The following MYT1L variants were observed in gnomAD, a reference collection of about 807,000 sequenced individuals.
MYT1L encodes the protein myelin transcription factor 1 like, also known as myelin transcription factor 1-like protein.
MYT1L carries 12 observed loss-of-function variants against 126.7 expected under a neutral mutation model. That is an observed-to-expected ratio of 0.09 (90% CI 0.06 to 0.15). The LOEUF is 0.15. Ranked by LOEUF, MYT1L falls within the 10% of genes least tolerant of loss-of-function variation. MYT1L has a pLI of 1.00. For synonymous variants in MYT1L, 541 were observed against 604.2 expected (o/e 0.90, Z 1.53); for missense variants, 979 against 1,585.2 (o/e 0.62, Z 6.49).
At chr2:2,083,549 C>T (rs886173952) in intron 3 of MYT1L, among the ~76,000 whole-genome samples, 2 of 152,366 alleles carry the variant, frequency 1.3e-5, no homozygotes, top group South Asian at 2.1e-4. Flanking sequence ...CTGCAAGCCA[C>T]CTTTCCTGCA....
At chr2:2,318,614 G>A (rs1220671357) in intron 1 of MYT1L, among the ~76,000 whole-genome samples, 3 of 152,206 alleles carry the variant, frequency 2.0e-5, no homozygotes, top group Non-Finnish European at 4.4e-5. Context: ...TCAGGACTGT[G>A]AAAAGAATTG....
intron 1 of MYT1L, among the ~76,000 whole-genome samples, chr2:2,288,511 G>A (rs59022495): frequency 0.062 from 9,368 of 152,140 alleles, 380 homozygotes; most frequent in South Asian, 0.14. Context: ...TGCCGTAAAG[G>A]TAAAATACAC....
At chr2:2,019,965 C>T (rs891568125) in intron 4 of MYT1L, among the ~76,000 whole-genome samples, 2 of 152,200 alleles carry the variant, frequency 1.3e-5, no homozygotes, top group African/African-American at 2.4e-5. Flanking sequence ...CCACCTCAGC[C>T]TCCCGAGTAG....
At chr2:2,049,166 G>A (rs1273276794) in intron 4 of MYT1L, among the ~76,000 whole-genome samples, 1 of 152,158 alleles carries the variant, frequency 6.6e-6, no homozygotes, top group African/African-American at 2.4e-5. Context: ...AAATTATTTG[G>A]TTGCTTTCTG....
In MYT1L at chr2:1,792,423, C is replaced by G. The variant is rs772416903; in HGVS notation, c.3318G>C (p.Glu1106Asp). Residue 1106 changes from glutamate (E) to aspartate (D), a missense_variant, in exon 24 of 25, where the codon GAG (glutamate) becomes GAC (aspartate). Physicochemically the swap from Glu to Asp is conservative, Grantham distance 45. This residue lies in a region of MYT1L where 179 missense variants were observed against 398.6 expected (regional missense o/e 0.45). Coordinates refer to ENST00000647738, the MANE Select transcript of MYT1L (RefSeq NM_001303052.2). ...CGTTCTGCTGCTCAATCACTTTGTT[C>G]TCCTCTTCGATGGTCTTCAGGTTGC... is the stretch of plus-strand genomic sequence containing the variant. ...MESNLKTIEE[E>D]NKVIEQQNES... The G allele has an allele frequency of 6.2e-7, 1 of 1,613,774 alleles. No homozygotes were observed. Among genetic ancestry groups the G allele is most frequent in the Admixed American group, 1.7e-5 (1 of 59,990 alleles).
chr2:2,286,839 G>A (rs965865392), intron 1 of MYT1L, among the ~76,000 whole-genome samples: 1 of 152,160 alleles, frequency 6.6e-6, no homozygotes, highest in Non-Finnish European at 1.5e-5. Context: ...TGCAGAAGGC[G>A]GGAAGGGTGC....
At position 1,869,437 on chromosome 2, in the gene MYT1L, C is replaced by T. The variant is rs79230240; in HGVS notation, c.2711+17102G>A. 3.6e-3 allele frequency among the ~76,000 whole-genome samples: 542 copies of T among 152,360 alleles called. 3 individuals are homozygous for T. The highest frequency in any genetic ancestry group is 0.012 in the African/African-American group (518 of 41,590). On this transcript the variant is annotated intron_variant, in intron 18 of 24. Coordinates refer to ENST00000647738, the MANE Select transcript of MYT1L (RefSeq NM_001303052.2). The stretch of plus-strand genomic sequence containing the variant: ...CCCTGGAGGCTCCTTGTCCTGTGCA[C>T]GGTGCCGGTGCACGCATGTGCGTGA...
At chr2:2,091,410 G>A (rs1171434045) in intron 3 of MYT1L, among the ~76,000 whole-genome samples, 2 of 152,156 alleles carry the variant, frequency 1.3e-5, no homozygotes. Context: ...CAGTAGGCTT[G>A]AAGTATTTAG....
At chr2:2,134,662 C>T (rs2148064681) in intron 3 of MYT1L, among the ~76,000 whole-genome samples, 1 of 152,278 alleles carries the variant, frequency 6.6e-6, no homozygotes, top group East Asian at 1.9e-4. Flanking sequence ...GTCTGCAAGC[C>T]AGGAAATGGG....
chr2:2,330,408 T>C (rs1195225869), intron 1 of MYT1L, among the ~76,000 whole-genome samples: 1 of 152,200 alleles, frequency 6.6e-6, no homozygotes, highest in Non-Finnish European at 1.5e-5. Context: ...ATCTTTTAGT[T>C]TATTAATTTA....
intron 5 of MYT1L, among the ~76,000 whole-genome samples, chr2:1,988,558 G>A (rs2061227531): frequency 1.3e-5 from 2 of 152,238 alleles, no homozygotes; most frequent in Non-Finnish European, 1.5e-5. Flanking sequence ...TGTGCATGAC[G>A]GGGTGACAGC....
In MYT1L at chr2:2,176,787, C is replaced by A. The variant is rs150910640; in HGVS notation, c.-420-3799G>T. ...GTGCTGGGATTACAGGCATGAATCA[C>A]CATGCCTGGCCTAGAATATAACCTT... On this transcript the variant is annotated intron_variant, in intron 2 of 24. Coordinates refer to ENST00000647738, the MANE Select transcript of MYT1L (RefSeq NM_001303052.2). Among the ~76,000 whole-genome samples, 65 of 152,262 alleles carry A rather than the reference C, an allele frequency of 4.3e-4. 1 individual carries two copies. The highest frequency in any genetic ancestry group is 1.4e-3 in the African/African-American group (59 of 41,546).
intron 4 of MYT1L, among the ~76,000 whole-genome samples, chr2:2,033,777 A>G (rs1465569025): frequency 6.6e-6 from 1 of 152,164 alleles, no homozygotes; most frequent in Non-Finnish European, 1.5e-5. Context: ...TTTGAAGGAC[A>G]TGGTGCCTGG....
intron 2 of MYT1L, among the ~76,000 whole-genome samples, chr2:2,173,316 T>C (rs2090314454): frequency 6.6e-6 from 1 of 152,252 alleles, no homozygotes; most frequent in African/African-American, 2.4e-5. Flanking sequence ...ATTTCTCAGA[T>C]GATTGCTTCT....
intron 21 of MYT1L, among the ~76,000 whole-genome samples, chr2:1,820,854 C>G (rs565516176): frequency 6.6e-6 from 1 of 152,204 alleles, no homozygotes; most frequent in African/African-American, 2.4e-5. Context: ...GCCTAGCTGA[C>G]TTTAAGTAAG....
At chr2:1,892,917 T>C (rs754383568) in intron 14 of MYT1L, among the ~76,000 whole-genome samples, 7 of 152,152 alleles carry the variant, frequency 4.6e-5, no homozygotes, top group Non-Finnish European at 7.3e-5. Flanking sequence ...CTTTTTTTTC[T>C]AGAATTCTGA....
intron 21 of MYT1L, among the ~76,000 whole-genome samples, chr2:1,835,376 C>G (rs2040744648): frequency 1.3e-5 from 2 of 152,090 alleles, no homozygotes; most frequent in African/African-American, 2.4e-5. Context: ...TTATTGAATA[C>G]TCTATGAAAG....
intron 11 of MYT1L, among the ~76,000 whole-genome samples, chr2:1,913,004 C>T (rs574092352): frequency 6.6e-6 from 1 of 152,314 alleles, no homozygotes; most frequent in Admixed American, 6.5e-5. Flanking sequence ...TCTCCAAACT[C>T]CAGGGGAATG....
chr2:1,991,042 C>G (rs2061417141), intron 5 of MYT1L, among the ~76,000 whole-genome samples: 1 of 152,208 alleles, frequency 6.6e-6, no homozygotes, highest in South Asian at 2.1e-4. Flanking sequence ...CTTGTCCCCT[C>G]TCAGGCAGCA....
Sources: gnomAD v4.1 joint callset for allele counts (sites outside exome capture counted in the v4.1 genomes callset) on GRCh38, gnomAD v4.1.1 for gene constraint, gnomAD v4.1.1 regional missense constraint, MANE v1.5 for transcripts, NCBI Gene and HGNC (gene_info 2026-07-23, HGNC 2026-07-21) for gene names.